KSR2: variants seen among roughly 807,000 people sequenced by gnomAD.
KSR2 encodes the protein kinase suppressor of ras 2.
Under a neutral mutation model 107.8 loss-of-function variants are expected in KSR2, and 25 were observed. The observed-to-expected ratio is 0.23, with a 90% CI of 0.17 to 0.32. KSR2 has a LOEUF of 0.32. KSR2 is among the 10% of genes least tolerant of loss of function. The probability of loss-of-function intolerance (pLI) is 1.00; values close to 1 mark genes in which losing one functional copy is unlikely to be tolerated. For synonymous variants in KSR2, 480 were observed against 507.0 expected, an observed-to-expected ratio of 0.95 and a Z score of 0.71; for missense variants, 887 against 1,268.9, an observed-to-expected ratio of 0.70 and a Z score of 4.57.
intron 16 of KSR2, among the ~76,000 whole-genome samples, chr12:117,480,705 G>T (rs1872124600): frequency 6.6e-6 from 1 of 152,108 alleles, no homozygotes; most frequent in Non-Finnish European, 1.5e-5. Context: ...CCTACTGTTT[G>T]CCAGATTGTC....
intron 5 of KSR2, among the ~76,000 whole-genome samples, chr12:117,635,741 C>T (rs1883035914): frequency 6.6e-6 from 1 of 151,834 alleles, no homozygotes; most frequent in Non-Finnish European, 1.5e-5. Flanking sequence ...AATGTAACCT[C>T]TTACATAACC....
At chr12:117,714,852 A>G (rs1315972632) in intron 4 of KSR2, among the ~76,000 whole-genome samples, 1 of 152,162 alleles carries the variant, frequency 6.6e-6, no homozygotes, top group African/African-American at 2.4e-5. Context: ...GACAGCCACC[A>G]CCACGAAAAA....
intron 3 of KSR2, among the ~76,000 whole-genome samples, chr12:117,793,133 CACT>C (rs1455781119): frequency 7.3e-6 from 1 of 136,904 alleles, no homozygotes; most frequent in Non-Finnish European, 1.5e-5. Flanking sequence ...TGCACACACA[CACT>C]AACATGCATA....
At position 117,891,880 on chromosome 12, in the gene KSR2, G is replaced by C. The variant is rs111498739; in HGVS notation, c.181-31449C>G. ...CTAGGCATGGTGGTGCACACCTGTG[G>C]TCCCAGCTACTTGGGAGGCTGTGGT... On this transcript the variant is annotated intron_variant, in intron 1 of 19. Coordinates refer to ENST00000339824, the MANE Select transcript of KSR2 (RefSeq NM_173598.6). Among the ~76,000 whole-genome samples the C allele has an allele frequency of 7.1e-3, 1,084 of 151,964 alleles. 16 individuals carry two copies. Among genetic ancestry groups the C allele is most frequent in the African/African-American group, 0.025 (1,040 of 41,434 alleles).
intron 3 of KSR2, among the ~76,000 whole-genome samples, chr12:117,772,089 A>AAC (rs1204911216): frequency 7.2e-6 from 1 of 138,872 alleles, no homozygotes; most frequent in Admixed American, 7.3e-5. Context: ...AAGACACAAA[A>AAC]ACACACACAC....
At chr12:117,525,431 C>T (rs1167900000) in intron 13 of KSR2, among the ~76,000 whole-genome samples, 1 of 152,266 alleles carries the variant, frequency 6.6e-6, no homozygotes, top group Middle Eastern at 3.4e-3. Context: ...AGATCATGAT[C>T]ATCCACCTCT....
At position 117,929,278 on chromosome 12, in the gene KSR2, G is replaced by C. The variant is rs564623056; in HGVS notation, c.180+38798C>G. 2.6e-4 allele frequency among the ~76,000 whole-genome samples: 40 copies of C among 152,304 alleles called. No homozygotes were observed. In the South Asian group the frequency reaches 7.9e-3, roughly 30 times the overall value. On this transcript the variant is annotated intron_variant, in intron 1 of 19. Coordinates refer to ENST00000339824, the MANE Select transcript of KSR2 (RefSeq NM_173598.6). ...TTCATCTTGAATTCCCTTGTGTTGT[G>C]GAAGGGTCCCAACTGGGAGATAATT... is the stretch of plus-strand genomic sequence containing the variant.
At chr12:117,818,516 G>C (rs1197975984) in intron 3 of KSR2, among the ~76,000 whole-genome samples, 1 of 152,202 alleles carries the variant, frequency 6.6e-6, no homozygotes, top group East Asian at 1.9e-4. Flanking sequence ...TGGGTAAAAG[G>C]TTGGCTCAGA....
chr12:117,813,004 G>C (rs1211535642), intron 3 of KSR2, among the ~76,000 whole-genome samples: 1 of 151,930 alleles, frequency 6.6e-6, no homozygotes, highest in Non-Finnish European at 1.5e-5. Context: ...GAACAGAATA[G>C]AGAACTCAGA....
chr12:117,555,954 CTGT>C (rs55744572), intron 8 of KSR2, among the ~76,000 whole-genome samples: 202 of 151,296 alleles, frequency 1.3e-3, no homozygotes, highest in African/African-American at 4.6e-3. Flanking sequence ...TACTTGTTAG[CTGT>C]TGTTGTTGTT....
At chr12:117,471,058 A>G (rs929703143) in intron 18 of KSR2, 133 bp downstream of exon 18, 13 of 1,063,998 alleles carry the variant, frequency 1.2e-5, no homozygotes, top group African/African-American at 1.6e-5. Context: ...CCATCTGACA[A>G]GGTTGGAATG....
Position 117,495,829 on chromosome 12 carries a change from C to T in KSR2, c.2220-10138G>A, listed in dbSNP as rs563372257. Among the ~76,000 whole-genome samples, 14 of 152,186 alleles carry T rather than the reference C, an allele frequency of 9.2e-5. No individual in the cohort carries two copies. In the South Asian group the frequency reaches 1.2e-3, roughly 14 times the overall value. On this transcript the variant is annotated intron_variant, in intron 14 of 19. Coordinates refer to ENST00000339824, the MANE Select transcript of KSR2 (RefSeq NM_173598.6). Reference sequence around the variant, plus strand: ...CAGAACTTTGGGAGGCCAAGGTGGGCGGGGTCACAAGGTCAAGAGATCGAG... The same window carrying T: ...CAGAACTTTGGGAGGCCAAGGTGGGTGGGGTCACAAGGTCAAGAGATCGAG...
At chr12:117,514,110 A>G (rs549982396) in intron 14 of KSR2, among the ~76,000 whole-genome samples, 3 of 152,226 alleles carry the variant, frequency 2.0e-5, no homozygotes, top group African/African-American at 7.2e-5. Flanking sequence ...TGTTGCCCAC[A>G]CTTGCCTTCA....
chr12:117,612,204 G>T (rs1023947010), intron 5 of KSR2, among the ~76,000 whole-genome samples: 4 of 152,102 alleles, frequency 2.6e-5, no homozygotes, highest in Non-Finnish European at 5.9e-5. Flanking sequence ...AGGAGATCAA[G>T]ACCATCCTGG....
chr12:117,855,045 A>C (rs1274011445), intron 3 of KSR2, among the ~76,000 whole-genome samples: 1 of 133,624 alleles, frequency 7.5e-6, no homozygotes, highest in Admixed American at 8.3e-5. Flanking sequence ...CAATTAATGC[A>C]AATTACTTCT....
chr12:117,631,763 T>C (rs1193411152), intron 5 of KSR2, among the ~76,000 whole-genome samples: 1 of 152,180 alleles, frequency 6.6e-6, no homozygotes, highest in African/African-American at 2.4e-5. Flanking sequence ...ATAATTACCA[T>C]TATTTATCAA....
At chr12:117,856,539 C>T (rs558524337) in intron 2 of KSR2, among the ~76,000 whole-genome samples, 46 of 152,152 alleles carry the variant, frequency 3.0e-4, no homozygotes, top group Admixed American at 5.9e-4. Context: ...TGCAATGGCG[C>T]GATCTCGGCT....
intron 5 of KSR2, among the ~76,000 whole-genome samples, chr12:117,616,857 T>C (rs375880254): frequency 9.7e-4 from 148 of 152,358 alleles, no homozygotes; most frequent in African/African-American, 3.3e-3. Context: ...AAAGCCAGGC[T>C]CCATGATTCA....
At chr12:117,787,829 C>G (rs4767619) in intron 3 of KSR2, among the ~76,000 whole-genome samples, 84,140 of 152,028 alleles carry the variant, frequency 0.55, 24,798 homozygotes, top group African/African-American at 0.75. Context: ...GATGAACTGC[C>G]ATCTGTCTCA....
Sources: allele counts gnomAD v4.1 joint callset (sites outside exome capture counted in the v4.1 genomes callset), GRCh38; gene constraint gnomAD v4.1.1; transcripts MANE v1.5; gene names NCBI Gene and HGNC (gene_info 2026-07-23, HGNC 2026-07-21).